Variants in AFAP1L2 observed in about 807,000 individuals in gnomAD.
The protein encoded by AFAP1L2 is actin filament associated protein 1 like 2, also known as actin filament-associated protein 1-like 2.
In AFAP1L2, 46 loss-of-function variants were observed where a neutral mutation model predicts 99.3. That is an observed-to-expected ratio of 0.46 (90% confidence interval 0.37 to 0.59). The LOEUF is 0.59. AFAP1L2 is among the 20% of genes least tolerant of loss of function. The pLI, the probability that AFAP1L2 is intolerant of heterozygous loss-of-function variation, is 0.00. For missense variants in AFAP1L2, 959 were observed against 1,034.9 expected (o/e 0.93, Z 1.01); for synonymous variants, 397 against 419.1 (o/e 0.95, Z 0.64).
rs780789927 is a variant in AFAP1L2 at position 114,300,491 on chromosome 10, G to A, written c.1742C>T (p.Thr581Ile). 2.5e-6 allele frequency: 4 copies of A among 1,614,064 alleles called. No individual in the cohort carries two copies. The African/African-American group carries it at 4.0e-5, about 16-fold the overall frequency. Residue 581 changes from threonine to isoleucine, a missense_variant, in exon 14 of 19, where the codon ACC becomes ATC. By Grantham distance (89) the Thr-to-Ile change is moderately conservative. This residue lies in a region of AFAP1L2 where 576 missense variants were observed against 562.1 expected (regional missense o/e 1.02). Transcript: ENST00000304129. ...ACACTTTATGCAGGGCTCATCTGGG[G>A]TGGGACCTGGGCCTGAGTCTGCCGG... is the stretch of plus-strand genomic sequence containing the variant. The part of the protein sequence containing the change: ...ALPADSGPGP[T>I]PDEPCIKCPE...
At chr10:114,395,707 A>G (rs370665933) in intron 1 of AFAP1L2, among the ~76,000 whole-genome samples, 13 of 152,280 alleles carry the variant, frequency 8.5e-5, no homozygotes, top group African/African-American at 3.1e-4. Flanking sequence ...CTAAACCCAA[A>G]CAGATGCCAG....
At position 114,310,455 on chromosome 10, in the gene AFAP1L2, G is replaced by A. The variant is rs2043055812; in HGVS notation, c.793-12C>T. ...ACTTCCTGGATGACCTGAGGCAAGA[G>A]GGAAGCCGTCAGCAGAGGCTGAGGT... On this transcript the variant is annotated splice_polypyrimidine_tract_variant and intron_variant, in intron 7 of 18. Coordinates refer to ENST00000304129, the MANE Select transcript of AFAP1L2 (RefSeq NM_001001936.3). The A allele has an allele frequency of 6.2e-7, 1 of 1,611,882 alleles. No individual in the cohort carries two copies.
At chr10:114,340,011 A>C (rs927252622) in intron 2 of AFAP1L2, among the ~76,000 whole-genome samples, 8 of 19,204 alleles carry the variant, frequency 4.2e-4, no homozygotes, top group Admixed American at 3.2e-3. Flanking sequence ...ACCCCGTCTC[A>C]AAAAAAAAAA....
At chr10:114,379,470 A>T (rs1002354449) in intron 1 of AFAP1L2, among the ~76,000 whole-genome samples, 3 of 152,192 alleles carry the variant, frequency 2.0e-5, no homozygotes, top group African/African-American at 7.2e-5. Context: ...AATAATAATA[A>T]TAAAGAATGA....
intron 1 of AFAP1L2, among the ~76,000 whole-genome samples, chr10:114,391,372 A>C (rs2057133278): frequency 6.6e-6 from 1 of 152,100 alleles, no homozygotes; most frequent in African/African-American, 2.4e-5. Flanking sequence ...GGTGTCTGCC[A>C]CTATATCTGG....
intron 1 of AFAP1L2, among the ~76,000 whole-genome samples, chr10:114,384,095 T>G (rs960663391): frequency 6.6e-6 from 1 of 152,154 alleles, no homozygotes; most frequent in African/African-American, 2.4e-5. Flanking sequence ...TCAAACCCCA[T>G]GATCCAGTGA....
At chr10:114,314,893 A>T (rs942427301) in intron 6 of AFAP1L2, among the ~76,000 whole-genome samples, 2 of 152,328 alleles carry the variant, frequency 1.3e-5, no homozygotes, top group African/African-American at 4.8e-5. Context: ...CTGTAAACCC[A>T]GCACTTTGGG....
At chr10:114,298,822 A>G (rs2040657389) in intron 16 of AFAP1L2, among the ~76,000 whole-genome samples, 1 of 152,160 alleles carries the variant, frequency 6.6e-6, no homozygotes, top group Non-Finnish European at 1.5e-5. Flanking sequence ...TCAAGAAATG[A>G]AGGCTGGAAA....
chr10:114,339,182 G>A (rs2048404751), intron 2 of AFAP1L2, among the ~76,000 whole-genome samples: 1 of 152,252 alleles, frequency 6.6e-6, no homozygotes, highest in Admixed American at 6.5e-5. Flanking sequence ...ACTTAGGCCG[G>A]GCGCGGTGGC....
chr10:114,301,873 G>A (rs1045983893), intron 12 of AFAP1L2: 3 of 258,468 alleles, frequency 1.2e-5, no homozygotes, highest in East Asian at 8.9e-5. Context: ...AACTGATTCT[G>A]TTTCAGTGGC....
At chr10:114,337,899 C>A (rs2048220870) in intron 2 of AFAP1L2, among the ~76,000 whole-genome samples, 1 of 152,180 alleles carries the variant, frequency 6.6e-6, no homozygotes, top group Non-Finnish European at 1.5e-5. Context: ...CCCCCTCCAA[C>A]CTTCCCGCTT....
At chr10:114,369,883 T>A (rs1211527114) in intron 1 of AFAP1L2, among the ~76,000 whole-genome samples, 1 of 152,178 alleles carries the variant, frequency 6.6e-6, no homozygotes, top group Non-Finnish European at 1.5e-5. Context: ...CCAACAAAAT[T>A]AACATGCACT....
chr10:114,286,157 C>G, the AFAP1L2 span: 1 of 1,614,108 alleles, frequency 6.2e-7, no homozygotes, highest in Admixed American at 1.7e-5. Flanking sequence ...TGTGCCTGAC[C>G]TGGTCTGGAG....
chr10:114,379,987 A>C (rs2055387972), intron 1 of AFAP1L2, among the ~76,000 whole-genome samples: 1 of 152,238 alleles, frequency 6.6e-6, no homozygotes. Context: ...GTGAGGCGGC[A>C]GGGGCGGGGG....
Position 114,331,816 on chromosome 10 carries a change from G to T in AFAP1L2, c.302C>A (p.Pro101Gln), listed in dbSNP as rs752327607. The T allele has an allele frequency of 1.4e-6, 2 of 1,390,608 alleles. No individual in the cohort carries two copies. The highest frequency in any genetic ancestry group is 1.9e-6 in the Non-Finnish European group (2 of 1,064,840). The allele number at this position is 1,390,608 out of a possible 1,614,324, so 86.1% of individuals were successfully genotyped here. A position where few individuals can be genotyped will look rare whatever the true frequency, so the allele number is the denominator to read the frequency against. The change falls in exon 4 of 19, where the codon CCG (proline) becomes CAG (glutamine). Residue 101 changes from proline (P) to glutamine (Q), a missense_variant. Pro to Gln is a moderately conservative substitution (Grantham distance 76). This residue lies in a region of AFAP1L2 where 383 missense variants were observed against 472.8 expected (regional missense o/e 0.81). Coordinates refer to ENST00000304129, the MANE Select transcript of AFAP1L2 (RefSeq NM_001001936.3). ...SAPQKSLPDL[P>Q]PPKMIPERKQ... is the part of the protein sequence containing the mutation. ...ACTGATGCTTACCATCTTGGGTGGC[G>T]GGAGGTCTGGAAGGCTCTTCTGAGG...
intron 1 of AFAP1L2, among the ~76,000 whole-genome samples, chr10:114,350,273 C>G (rs1006356921): frequency 6.6e-6 from 1 of 152,342 alleles, no homozygotes; most frequent in African/African-American, 2.4e-5. Context: ...GAAGCACTAC[C>G]TGTCCATCCG....
At chr10:114,334,793 G>A (rs544122280) in intron 2 of AFAP1L2, among the ~76,000 whole-genome samples, 1 of 152,330 alleles carries the variant, frequency 6.6e-6, no homozygotes, top group South Asian at 2.1e-4. Context: ...CATGGCAGAG[G>A]GGAAAAGTGC....
At chr10:114,359,909 GGACATATATGTCACCAA>G (rs2051982638) in intron 1 of AFAP1L2, among the ~76,000 whole-genome samples, 1 of 24,380 alleles carries the variant, frequency 4.1e-5, no homozygotes, top group East Asian at 2.1e-3. Flanking sequence ...CCTTCACCAA[GGACATATATGTCACCAA>G]GGACATATAT....
At chr10:114,287,450 G>GGATT in the AFAP1L2 span, among the ~76,000 whole-genome samples, 1 of 152,154 alleles carries the variant, frequency 6.6e-6, no homozygotes, top group Non-Finnish European at 1.5e-5. Context: ...CAAAGTGGAG[G>GGATT]GATTACAGGC....
Sources: gnomAD v4.1 joint callset for allele counts (sites outside exome capture counted in the v4.1 genomes callset) on GRCh38, gnomAD v4.1.1 for gene constraint, gnomAD v4.1.1 regional missense constraint, MANE v1.5 for transcripts, NCBI Gene and HGNC (gene_info 2026-07-23, HGNC 2026-07-21) for gene names.